The following DOCK10 variants were observed in gnomAD, a reference collection of about 807,000 sequenced individuals.
DOCK10 encodes the protein dedicator of cytokinesis protein 10.
Under a neutral mutation model 280.1 loss-of-function variants are expected in DOCK10, and 145 were observed. That is an observed-to-expected ratio of 0.52 (90% CI 0.45 to 0.59). The LOEUF is 0.59. Ranked by LOEUF, DOCK10 falls within the 20% of genes least tolerant of loss-of-function variation. DOCK10 has a pLI of 0.00. For missense variants in DOCK10, 2,368 were observed against 2,651.7 expected (o/e 0.89, Z 2.35); for synonymous variants, 915 against 942.2 (o/e 0.97, Z 0.53).
intron 1 of DOCK10, among the ~76,000 whole-genome samples, chr2:225,028,114 A>T (rs1024122326): frequency 6.6e-6 from 1 of 152,128 alleles, no homozygotes; most frequent in African/African-American, 2.4e-5. Context: ...TCCATGGAAA[A>T]GGGGACTTTG....
At chr2:224,783,017 G>C (rs939730343) in intron 50 of DOCK10, among the ~76,000 whole-genome samples, 5 of 152,114 alleles carry the variant, frequency 3.3e-5, no homozygotes, top group African/African-American at 7.2e-5. Context: ...ATTTATCATG[G>C]AATGTGAAGT....
chr2:224,887,733 A>T (rs564513872), intron 4 of DOCK10, among the ~76,000 whole-genome samples: 2 of 152,334 alleles, frequency 1.3e-5, no homozygotes, highest in South Asian at 4.1e-4. Context: ...AGATAGTAAA[A>T]TGGTATTATA....
chr2:224,781,935 T>C (rs1342088652), intron 50 of DOCK10, among the ~76,000 whole-genome samples: 1 of 152,134 alleles, frequency 6.6e-6, no homozygotes, highest in Non-Finnish European at 1.5e-5. Flanking sequence ...CCCTGGTATT[T>C]TATTAGACTC....
chr2:224,774,183 G>A (rs1019882701), intron 52 of DOCK10, among the ~76,000 whole-genome samples: 3 of 152,136 alleles, frequency 2.0e-5, no homozygotes, highest in Non-Finnish European at 4.4e-5. Flanking sequence ...CTCTCAAAGC[G>A]GGTTACTGAT....
At chr2:224,980,368 A>G (rs1705680607) in intron 1 of DOCK10, among the ~76,000 whole-genome samples, 1 of 152,222 alleles carries the variant, frequency 6.6e-6, no homozygotes. Context: ...CATTGGCTAA[A>G]GTTTGTAGAC....
intron 4 of DOCK10, chr2:224,893,723 CTT>C: frequency 2.6e-5 from 10 of 381,896 alleles, no homozygotes; most frequent in South Asian, 4.1e-5. Context: ...TAAATTTCAC[CTT>C]TTTTTTTGCT....
chr2:224,775,148 T>G, intron 51 of DOCK10, 33 bp from the exon 52 acceptor site: 8 of 1,602,502 alleles, frequency 5.0e-6, no homozygotes, highest in South Asian at 4.4e-5. Context: ...AAGTGAGTGG[T>G]GTGCCCTGGA....
intron 1 of DOCK10, among the ~76,000 whole-genome samples, chr2:224,974,271 T>G (rs1475582382): frequency 6.6e-6 from 1 of 152,160 alleles, no homozygotes; most frequent in Non-Finnish European, 1.5e-5. Context: ...GCAAATTGAA[T>G]GTATTGGGCA....
chr2:224,989,967 AG>A (rs1706083137), intron 1 of DOCK10, among the ~76,000 whole-genome samples: 2 of 152,152 alleles, frequency 1.3e-5, no homozygotes, highest in Admixed American at 1.3e-4. Flanking sequence ...TCCTCTTTGC[AG>A]GCATCTTTCC....
chr2:224,902,949 T>C (rs1446306371), intron 3 of DOCK10, among the ~76,000 whole-genome samples: 1 of 150,926 alleles, frequency 6.6e-6, no homozygotes, highest in South Asian at 2.1e-4. Context: ...AAAAAAAAAA[T>C]TAGCCGGTTG....
At chr2:224,851,818 G>A (rs763316875) in intron 18 of DOCK10, among the ~76,000 whole-genome samples, 24 of 152,106 alleles carry the variant, frequency 1.6e-4, no homozygotes, top group Non-Finnish European at 2.4e-4. Flanking sequence ...TCCCGTTGCA[G>A]CTTTGTAGAG....
chr2:224,804,241 T>A (rs1693226875), intron 38 of DOCK10, 28 bp from the exon 39 acceptor site: 1 of 1,365,118 alleles, frequency 7.3e-7, no homozygotes, highest in Non-Finnish European at 1.0e-6. Context: ...GTTTTAATCA[T>A]AGCTCAGTGT....
Position 224,805,639 on chromosome 2 carries a change from G to A in DOCK10, c.3815-110C>T, listed in dbSNP as rs16866186. The A allele has an allele frequency of 0.031, 43,098 of 1,412,898 alleles. 806 individuals are homozygous for A. The highest frequency in any genetic ancestry group is 0.07 in the African/African-American group (4,973 of 70,572). The allele number at this position is 1,412,898 out of a possible 1,614,324, so 87.5% of individuals were successfully genotyped here. A position where few individuals can be genotyped will look rare whatever the true frequency, so the allele number is the denominator to read the frequency against. On this transcript the variant is annotated intron_variant, in intron 34 of 55. Transcript: ENST00000258390. This position sits in a 1 kb window ranked among gnomAD's most constrained non-coding sequence, Gnocchi z 4.3. ...ATGTTGATACTGAGGTAGCAGCAGT[G>A]TTGTCAAAGACCAACATAACAGCGT...
rs767261536 is a variant in DOCK10 at position 224,795,067 on chromosome 2, C to T, written c.4966G>A (p.Asp1656Asn). 2 of 1,613,892 alleles carry T rather than the reference C, an allele frequency of 1.2e-6. No homozygotes were observed. The highest frequency in any genetic ancestry group is 1.7e-6 in the Non-Finnish European group (2 of 1,179,838). The change falls in exon 45 of 56, where the codon GAC becomes AAC. Residue 1656 changes from aspartate to asparagine, a missense_variant. Around this residue, in one of 2 missense-constraint regions of DOCK10, gnomAD observed 1,159 missense variants for 1,400.8 expected, o/e 0.83. Transcript: ENST00000258390. ...ACAGTCCTTATACGCTTAGTCAGGTCCTTCACCTCTGCTGGGAAATTGCTG... is the reference window on the plus strand; with the variant it reads ...ACAGTCCTTATACGCTTAGTCAGGTTCTTCACCTCTGCTGGGAAATTGCTG... The part of the protein sequence containing the change: ...KNSNFPAEVK[D>N]LTKRIRTVLM...
intron 1 of DOCK10, among the ~76,000 whole-genome samples, chr2:224,957,294 C>T (rs1575113257): frequency 7.0e-6 from 1 of 142,280 alleles, no homozygotes; most frequent in African/African-American, 2.6e-5. Flanking sequence ...CGCCCCCCCC[C>T]GGCTTTGTTT....
chr2:224,917,801 A>G (rs972104053), intron 2 of DOCK10, among the ~76,000 whole-genome samples: 1 of 152,168 alleles, frequency 6.6e-6, no homozygotes, highest in Non-Finnish European at 1.5e-5. Flanking sequence ...AGCACAGGAG[A>G]ATGAAATGCC....
chr2:224,844,015 G>T (rs1696158983), intron 22 of DOCK10, among the ~76,000 whole-genome samples: 1 of 152,182 alleles, frequency 6.6e-6, no homozygotes, highest in Non-Finnish European at 1.5e-5. Flanking sequence ...AAATTAGGTG[G>T]GGTGGCTCTC....
intron 4 of DOCK10, chr2:224,893,192 C>A (rs112322001): frequency 6.6e-6 from 1 of 152,098 alleles, no homozygotes. Context: ...TCTCAGTTTC[C>A]GAGTTTCTGC....
chr2:224,806,862 G>C (rs977512911), intron 33 of DOCK10, among the ~76,000 whole-genome samples: 1 of 152,012 alleles, frequency 6.6e-6, no homozygotes. Context: ...CTCCCATCTT[G>C]GGCTCCCAAA....
Sources: allele counts gnomAD v4.1 joint callset (sites outside exome capture counted in the v4.1 genomes callset), GRCh38; gene constraint gnomAD v4.1.1; regional missense constraint gnomAD v4.1.1; non-coding constraint Gnocchi (gnomAD v3.1); transcripts MANE v1.5; gene names NCBI Gene and HGNC (gene_info 2026-07-23, HGNC 2026-07-21).